The following PTN variants were observed in gnomAD, a reference collection of about 807,000 sequenced individuals.
The protein encoded by PTN is heparin affin regulatory protein.
In PTN, 18 loss-of-function variants were observed where a neutral mutation model predicts 24.1. That is an observed-to-expected ratio of 0.75 (90% CI 0.52 to 1.11). The LOEUF (loss-of-function observed/expected upper bound fraction) is 1.11. PTN is among the 50% of genes least tolerant of loss of function. The pLI is 0.00. For missense variants in PTN, 163 were observed against 198.8 expected, an observed-to-expected ratio of 0.82 and a Z score of 1.08; for synonymous variants, 78 against 68.6, an observed-to-expected ratio of 1.14 and a Z score of -0.67.
At chr7:137,324,710 C>A (rs1255537391) in intron 1 of PTN, 1 of 152,032 alleles carries the variant, frequency 6.6e-6, no homozygotes, top group Non-Finnish European at 1.5e-5. Flanking sequence ...CCAGTAAGGT[C>A]AGTGAGGCAA....
intron 1 of PTN, among the ~76,000 whole-genome samples, chr7:137,308,446 A>G (rs1809924363): frequency 6.6e-6 from 1 of 152,168 alleles, no homozygotes; most frequent in Non-Finnish European, 1.5e-5. Context: ...AGTGGTGACT[A>G]GTTTCTCAAT....
chr7:137,258,823 T>C (rs1403549792), intron 1 of PTN, among the ~76,000 whole-genome samples: 1 of 152,130 alleles, frequency 6.6e-6, no homozygotes, highest in Non-Finnish European at 1.5e-5. Context: ...ACCCTACCTG[T>C]TCTCCAACAG....
At chr7:137,259,834 T>C (rs912049928) in intron 1 of PTN, among the ~76,000 whole-genome samples, 1 of 151,990 alleles carries the variant, frequency 6.6e-6, no homozygotes, top group African/African-American at 2.4e-5. Flanking sequence ...TTGAGTTCGC[T>C]GAAGTCAAGA....
chr7:137,269,002 G>A (rs774544577), intron 1 of PTN, among the ~76,000 whole-genome samples: 4 of 152,076 alleles, frequency 2.6e-5, no homozygotes, highest in Admixed American at 6.5e-5. Context: ...TGTTTCTTGA[G>A]CATATTCAGA....
chr7:137,273,853 T>C (rs1809316009), intron 1 of PTN, among the ~76,000 whole-genome samples: 1 of 152,144 alleles, frequency 6.6e-6, no homozygotes, highest in South Asian at 2.1e-4. Context: ...GCTGCCATAT[T>C]CAAGAGTTCA....
At chr7:137,319,883 G>C (rs1810136092) in intron 1 of PTN, among the ~76,000 whole-genome samples, 1 of 152,088 alleles carries the variant, frequency 6.6e-6, no homozygotes, top group Non-Finnish European at 1.5e-5. Flanking sequence ...AGGGCCAAAG[G>C]GAGTCTTATG....
At chr7:137,292,932 C>A (rs1233681314) in intron 1 of PTN, among the ~76,000 whole-genome samples, 1 of 152,116 alleles carries the variant, frequency 6.6e-6, no homozygotes, top group Non-Finnish European at 1.5e-5. Flanking sequence ...TGAAATAACA[C>A]AGTATTTTAG....
chr7:137,302,619 T>G (rs2128878777), intron 1 of PTN, among the ~76,000 whole-genome samples: 1 of 152,172 alleles, frequency 6.6e-6, no homozygotes, highest in East Asian at 1.9e-4. Context: ...GTTAATATTT[T>G]TGACAAGGAA....
intron 1 of PTN, among the ~76,000 whole-genome samples, chr7:137,335,587 T>A (rs1029329679): frequency 6.6e-6 from 1 of 152,194 alleles, no homozygotes; most frequent in Non-Finnish European, 1.5e-5. Flanking sequence ...ATTAAACTGT[T>A]GTGGCTTGCT....
chr7:137,287,351 C>A (rs1250889178), intron 1 of PTN, among the ~76,000 whole-genome samples: 2 of 152,222 alleles, frequency 1.3e-5, no homozygotes, highest in African/African-American at 4.8e-5. Context: ...CAAACCTGAT[C>A]ACTATGTGTA....
At chr7:137,299,610 A>G (rs2128878309) in intron 1 of PTN, among the ~76,000 whole-genome samples, 1 of 152,104 alleles carries the variant, frequency 6.6e-6, no homozygotes, top group South Asian at 2.1e-4. Context: ...AAGAGGAGGC[A>G]GAAAGTGCTA....
chr7:137,230,447 C>A (rs1209111632), intron 4 of PTN, among the ~76,000 whole-genome samples: 2 of 151,690 alleles, frequency 1.3e-5, no homozygotes, highest in Admixed American at 6.6e-5. Context: ...GGACACCCTG[C>A]AGAACTTGAG....
chr7:137,233,990 A>T (rs557837821), intron 4 of PTN, among the ~76,000 whole-genome samples: 124 of 151,612 alleles, frequency 8.2e-4, no homozygotes, highest in African/African-American at 2.9e-3. Context: ...ATATACACAC[A>T]CACATACATA....
chr7:137,262,328 T>G (rs2128872776), intron 1 of PTN, among the ~76,000 whole-genome samples: 1 of 152,296 alleles, frequency 6.6e-6, no homozygotes, highest in Non-Finnish European at 1.5e-5. Flanking sequence ...TTACTTGTGT[T>G]TATTCAATCT....
chr7:137,266,882 T>C (rs322304), intron 1 of PTN, among the ~76,000 whole-genome samples: 1 of 135,536 alleles, frequency 7.4e-6, no homozygotes, highest in Admixed American at 7.1e-5. Flanking sequence ...TTTTTTTTTT[T>C]TTTTTTTTCC....
In PTN at chr7:137,227,834, C is replaced by A; in HGVS notation, c.*186G>T. On this transcript the variant is annotated 3_prime_UTR_variant, in exon 5 of 5. Transcript: ENST00000348225. ...AAGATTACAGTCCTTTATTATAAGC[C>A]CCTACTGGTACTATAGTATACATTT... The A allele has an allele frequency of 2.2e-6, 1 of 461,272 alleles. No individual in the cohort carries two copies. The highest frequency in any genetic ancestry group is 3.6e-6 in the Non-Finnish European group (1 of 274,666). The allele number at this position is 461,272 out of a possible 1,614,324, so 28.6% of individuals were successfully genotyped here.
At chr7:137,275,068 T>C (rs1202527413) in intron 1 of PTN, among the ~76,000 whole-genome samples, 1 of 152,204 alleles carries the variant, frequency 6.6e-6, no homozygotes, top group Non-Finnish European at 1.5e-5. Context: ...CTGTGAGACA[T>C]GTATTCAGTT....
At chr7:137,256,827 C>T (rs1808935559) in intron 1 of PTN, among the ~76,000 whole-genome samples, 2 of 143,752 alleles carry the variant, frequency 1.4e-5, no homozygotes, top group Non-Finnish European at 3.1e-5. Flanking sequence ...CAAAACAAAA[C>T]AAAAACCCCA....
chr7:137,257,370 A>G (rs1225194690), intron 1 of PTN, among the ~76,000 whole-genome samples: 1 of 152,206 alleles, frequency 6.6e-6, no homozygotes, highest in East Asian at 1.9e-4. Context: ...GTCACGCAGA[A>G]AAGTTTCTAC....
Sources: gnomAD v4.1 joint callset for allele counts (sites outside exome capture counted in the v4.1 genomes callset) on GRCh38, gnomAD v4.1.1 for gene constraint, MANE v1.5 for transcripts, NCBI Gene and HGNC (gene_info 2026-07-23, HGNC 2026-07-21) for gene names.